DPP10: variants seen among roughly 807,000 people sequenced by gnomAD.
DPP10 encodes dipeptidyl peptidase like 10.
A neutral mutation model predicts 120.9 loss-of-function variants in DPP10; 33 were observed. That is an observed-to-expected ratio of 0.27 (90% CI 0.21 to 0.37). DPP10 has a LOEUF of 0.37. DPP10 is among the 10% of genes least tolerant of loss of function. DPP10 has a pLI of 1.00. For synonymous variants in DPP10, 337 were observed against 326.1 expected, an observed-to-expected ratio of 1.03 and a Z score of -0.36; for missense variants, 816 against 942.8, an observed-to-expected ratio of 0.87 and a Z score of 1.76.
At chr2:115,766,284 ATATGTG>A (rs1452035033) in intron 12 of DPP10, among the ~76,000 whole-genome samples, 24 of 50,226 alleles carry the variant, frequency 4.8e-4, no homozygotes, top group African/African-American at 1.1e-3. Context: ...CTCATTATAT[ATATGTG>A]TGTGTGTGTG....
At chr2:114,477,966 T>C (rs1680661881) in intron 1 of DPP10, among the ~76,000 whole-genome samples, 1 of 149,080 alleles carries the variant, frequency 6.7e-6, no homozygotes, top group Non-Finnish European at 1.5e-5. Context: ...TGTGTATATG[T>C]ATATATGTGT....
At chr2:115,395,689 A>C (rs567229983) in intron 3 of DPP10, among the ~76,000 whole-genome samples, 8 of 152,248 alleles carry the variant, frequency 5.3e-5, no homozygotes, top group Admixed American at 5.2e-4. Context: ...AAGTTACTTT[A>C]TCAGTAAAAT....
chr2:115,200,867 G>T (rs1404393204), intron 1 of DPP10, among the ~76,000 whole-genome samples: 1 of 152,058 alleles, frequency 6.6e-6, no homozygotes, highest in East Asian at 1.9e-4. Context: ...TAACATATTT[G>T]CAGTTCCTGA....
At chr2:114,892,318 T>A (rs1247742476) in intron 1 of DPP10, among the ~76,000 whole-genome samples, 2 of 152,136 alleles carry the variant, frequency 1.3e-5, no homozygotes, top group Admixed American at 6.6e-5. Flanking sequence ...CTACCCCTCC[T>A]CCTGGGTCCT....
chr2:115,486,968 A>T (rs893419243), intron 3 of DPP10, among the ~76,000 whole-genome samples: 1 of 152,168 alleles, frequency 6.6e-6, no homozygotes, highest in Non-Finnish European at 1.5e-5. Flanking sequence ...ACTTACAATT[A>T]TGATGACTTT....
At chr2:114,896,838 T>G (rs566739139) in intron 1 of DPP10, among the ~76,000 whole-genome samples, 1 of 152,248 alleles carries the variant, frequency 6.6e-6, no homozygotes, top group East Asian at 1.9e-4. Flanking sequence ...ATGCTTCCAG[T>G]TTTTGCCCAT....
intron 1 of DPP10, among the ~76,000 whole-genome samples, chr2:114,761,038 T>G (rs925813823): frequency 6.6e-6 from 1 of 152,164 alleles, no homozygotes; most frequent in African/African-American, 2.4e-5. Context: ...GCACTTCAGT[T>G]TTTTGTTGTT....
Position 115,112,147 on chromosome 2 carries a change from A to G in DPP10, c.61-197092A>G, listed in dbSNP as rs546760432. 4.6e-5 allele frequency among the ~76,000 whole-genome samples: 7 copies of G among 152,206 alleles called. No homozygotes were observed. In the South Asian group the frequency reaches 1.4e-3, roughly 32 times the overall value. ...TTCCTTGTTTCTTTCATTCACTATC[A>G]CAGTTCTTTTCACCTGGAACTCTTG... On this transcript the variant is annotated intron_variant, in intron 1 of 25. Coordinates refer to ENST00000410059, the MANE Select transcript of DPP10 (RefSeq NM_020868.6).
At chr2:115,543,603 A>G (rs972951778) in intron 5 of DPP10, among the ~76,000 whole-genome samples, 1 of 151,922 alleles carries the variant, frequency 6.6e-6, no homozygotes, top group African/African-American at 2.4e-5. Flanking sequence ...CTAACACCGC[A>G]TATAAACTCT....
chr2:115,566,356 T>G (rs2081010542), intron 5 of DPP10, among the ~76,000 whole-genome samples: 1 of 152,166 alleles, frequency 6.6e-6, no homozygotes, highest in African/African-American at 2.4e-5. Context: ...ATGGTGGTTT[T>G]TCTCTTCATT....
chr2:115,795,150 A>G (rs112276632), intron 19 of DPP10, among the ~76,000 whole-genome samples: 2,083 of 152,312 alleles, frequency 0.014, 49 homozygotes, highest in African/African-American at 0.045. Flanking sequence ...TTAGATGCTG[A>G]TAAAAGCAAT....
chr2:115,107,240 G>A (rs1273638649), intron 1 of DPP10, among the ~76,000 whole-genome samples: 1 of 151,512 alleles, frequency 6.6e-6, no homozygotes, highest in Non-Finnish European at 1.5e-5. Flanking sequence ...AAGGGAATAG[G>A]GATCACCGAT....
At chr2:115,540,128 C>T (rs2079091955) in intron 5 of DPP10, among the ~76,000 whole-genome samples, 1 of 151,722 alleles carries the variant, frequency 6.6e-6, no homozygotes, top group South Asian at 2.1e-4. Context: ...TTTTAAAAGA[C>T]CTTGGCCAGA....
Position 115,840,777 on chromosome 2 carries a change from A to G in DPP10, c.2210A>G (p.Glu737Gly), listed in dbSNP as rs1466808221. The G allele has an allele frequency of 6.2e-7, 1 of 1,613,742 alleles. No individual in the cohort carries two copies. The highest frequency in any genetic ancestry group is 1.3e-5 in the African/African-American group (1 of 74,912). Residue 737 changes from glutamate to glycine, a missense_variant, in exon 25 of 26, where the codon GAA (glutamate) becomes GGA (glycine). By Grantham distance (98) the Glu-to-Gly change is moderately conservative. Transcript: ENST00000410059. ...AAAGTTCATTTCCAACACTCAGCAGAATTAATCAAGCACCTAATAAAAGCT... is the reference window on the plus strand; with the variant it reads ...AAAGTTCATTTCCAACACTCAGCAGGATTAATCAAGCACCTAATAAAAGCT... ...DTKVHFQHSA[E>G]LIKHLIKAGV...
intron 1 of DPP10, among the ~76,000 whole-genome samples, chr2:114,809,460 A>T (rs187122708): frequency 2.4e-3 from 358 of 152,330 alleles, no homozygotes; most frequent in African/African-American, 8.2e-3. Flanking sequence ...TGAAGCTTCG[A>T]TAAAAGTAGT....
At chr2:115,813,551 G>T (rs1575860835) in intron 19 of DPP10, among the ~76,000 whole-genome samples, 1 of 152,202 alleles carries the variant, frequency 6.6e-6, no homozygotes, top group Admixed American at 6.5e-5. Context: ...TAAGCAACTG[G>T]GTGTTAGGGA....
At chr2:114,467,597 C>T (rs1389023056) in intron 1 of DPP10, among the ~76,000 whole-genome samples, 1 of 152,186 alleles carries the variant, frequency 6.6e-6, no homozygotes, top group Non-Finnish European at 1.5e-5. Context: ...CCCAATTGTA[C>T]CTTGCACAGT....
chr2:115,164,670 A>G (rs2052697760), intron 1 of DPP10, among the ~76,000 whole-genome samples: 1 of 152,236 alleles, frequency 6.6e-6, no homozygotes. Flanking sequence ...TTCCACTTAT[A>G]GCACAGTGGA....
chr2:115,333,517 A>C (rs1031940165), intron 2 of DPP10, among the ~76,000 whole-genome samples: 5 of 152,056 alleles, frequency 3.3e-5, no homozygotes, highest in Admixed American at 6.6e-5. Context: ...TCTTCCTAGC[A>C]TCAATGGTCT....
Sources: gnomAD v4.1 joint callset for allele counts (sites outside exome capture counted in the v4.1 genomes callset) on GRCh38, gnomAD v4.1.1 for gene constraint, MANE v1.5 for transcripts, NCBI Gene and HGNC (gene_info 2026-07-23, HGNC 2026-07-21) for gene names.